The following CDYL2 variants were observed in gnomAD, a reference collection of about 807,000 sequenced individuals.
The protein encoded by CDYL2 is chromodomain Y-like protein 2.
In CDYL2, 23 loss-of-function variants were observed where a neutral mutation model predicts 49.4. The ratio of observed to expected loss-of-function variants is 0.47; its 90% CI spans 0.34 to 0.66. CDYL2 has a LOEUF of 0.66. CDYL2 is among the 30% of genes least tolerant of loss of function. The probability of loss-of-function intolerance (pLI) is 0.01; values close to 1 mark genes in which losing one functional copy is unlikely to be tolerated. For missense variants in CDYL2, 678 were observed against 656.4 expected (o/e 1.03, Z -0.36); for synonymous variants, 360 against 268.8 (o/e 1.34, Z -3.32).
chr16:80,686,244 C>T (rs928067680), intron 1 of CDYL2, among the ~76,000 whole-genome samples: 4 of 152,076 alleles, frequency 2.6e-5, no homozygotes, highest in Non-Finnish European at 4.4e-5. Flanking sequence ...ATGCCAGTCT[C>T]GATGCTAATA....
chr16:80,741,857 T>G (rs1198138252), intron 1 of CDYL2, among the ~76,000 whole-genome samples: 1 of 152,234 alleles, frequency 6.6e-6, no homozygotes, highest in East Asian at 1.9e-4. Flanking sequence ...ACAACATTCC[T>G]GAAGGACAAT....
chr16:80,702,303 T>C (rs550550487), intron 1 of CDYL2, among the ~76,000 whole-genome samples: 1 of 152,184 alleles, frequency 6.6e-6, no homozygotes, highest in Admixed American at 6.5e-5. Context: ...TTCAAAATAA[T>C]ATTTTGCTCA....
chr16:80,763,126 C>T (rs376057771), intron 1 of CDYL2, among the ~76,000 whole-genome samples: 2 of 151,636 alleles, frequency 1.3e-5, no homozygotes, highest in South Asian at 2.1e-4. Context: ...TGAGACTGTG[C>T]CACTGCACTC....
intron 1 of CDYL2, among the ~76,000 whole-genome samples, chr16:80,691,555 T>C (rs1055298878): frequency 1.3e-5 from 2 of 152,210 alleles, no homozygotes; most frequent in African/African-American, 4.8e-5. Context: ...CCATATCCAT[T>C]CTGCTGGAAA....
At chr16:80,624,869 A>G (rs1907234141) in intron 3 of CDYL2, among the ~76,000 whole-genome samples, 1 of 152,228 alleles carries the variant, frequency 6.6e-6, no homozygotes. Flanking sequence ...AAAGTAACTG[A>G]AAGACCTGAA....
chr16:80,769,241 T>C (rs1265713707), intron 1 of CDYL2, among the ~76,000 whole-genome samples: 1 of 152,196 alleles, frequency 6.6e-6, no homozygotes, highest in Non-Finnish European at 1.5e-5. Context: ...TAATCAGCTG[T>C]CATTTATTAC....
intron 1 of CDYL2, among the ~76,000 whole-genome samples, chr16:80,758,313 ATAATAACTACAATAATAAACAAAAG>A (rs1431911325): frequency 2.0e-5 from 3 of 149,140 alleles, no homozygotes; most frequent in South Asian, 2.2e-4. Context: ...TATAGAAGTA[ATAATAACTACAATAATAAACAAAAG>A]TAATAACTAC....
intron 3 of CDYL2, among the ~76,000 whole-genome samples, chr16:80,630,033 G>A (rs1211030180): frequency 1.3e-5 from 2 of 152,188 alleles, no homozygotes; most frequent in Admixed American, 1.3e-4. Flanking sequence ...GTAAGTTGAA[G>A]GGAGGATTGG....
chr16:80,655,227 T>TCTG lies in CDYL2; in HGVS notation c.617-21992_617-21991insCAG, dbSNP rs113631708. 1.2e-4 allele frequency among the ~76,000 whole-genome samples: 18 copies of TCTG among 152,346 alleles called. 3 individuals carry two copies. The highest frequency in any genetic ancestry group is 3.8e-4 in the African/African-American group (16 of 41,578). ...TTACAGATAAGGAAAAGTGAGTACC[T>TCTG]TGCTGGAAGTCACAGAGATTGTAAA... On this transcript the variant is annotated intron_variant, in intron 2 of 6. Coordinates refer to ENST00000570137, the MANE Select transcript of CDYL2 (RefSeq NM_152342.4).
chr16:80,705,204 C>A (rs978548145), intron 1 of CDYL2, among the ~76,000 whole-genome samples: 2 of 152,240 alleles, frequency 1.3e-5, no homozygotes, highest in Non-Finnish European at 2.9e-5. Context: ...TTTCCTCTAG[C>A]AGGATGGCTG....
rs34890622 is a variant in CDYL2 at position 80,601,524 on chromosome 16, A to AG, written c.*2863dup. ...GGGAGAAAGGATCCCATAGACAGAG[A>AG]GGGGGCCCTGGGGTGGAAGATCAAA... On this transcript the variant is annotated 3_prime_UTR_variant, in exon 7 of 7. Transcript: ENST00000570137. 1.3e-5 allele frequency: 2 copies of AG among 152,080 alleles called. No individual in the cohort carries two copies. The highest frequency in any genetic ancestry group is 2.9e-5 in the Non-Finnish European group (2 of 68,042). 9.4% of individuals were successfully genotyped at this position (152,080 alleles called of 1,614,324 possible). A position where few individuals can be genotyped will look rare whatever the true frequency, so the allele number is the denominator to read the frequency against.
In CDYL2 at chr16:80,707,639, G is replaced by A. The variant is rs1243280504; in HGVS notation, c.25-22510C>T. Among the ~76,000 whole-genome samples the A allele has an allele frequency of 2.0e-5, 3 of 152,272 alleles. No homozygotes were observed. The East Asian group carries it at 5.8e-4, about 29-fold the overall frequency. On this transcript the variant is annotated intron_variant, in intron 1 of 6. Coordinates refer to ENST00000570137, the MANE Select transcript of CDYL2 (RefSeq NM_152342.4). ...GGGTTGGCATCACCAAACTCCAGAT[G>A]CTTTGGTGGTGTCTTTCTGAGTGTT...
chr16:80,791,926 T>C (rs1407098699), intron 1 of CDYL2, among the ~76,000 whole-genome samples: 1 of 152,156 alleles, frequency 6.6e-6, no homozygotes, highest in Non-Finnish European at 1.5e-5. Flanking sequence ...TGAGAGGTAC[T>C]AGAAAGACCC....
intron 2 of CDYL2, chr16:80,679,696 G>C (rs1458166742): frequency 2.2e-6 from 1 of 455,902 alleles, no homozygotes; most frequent in Non-Finnish European, 4.4e-6. Flanking sequence ...CCAACTCCAG[G>C]TGCAGAGCAC....
intron 1 of CDYL2, among the ~76,000 whole-genome samples, chr16:80,709,973 C>A (rs559875331): frequency 1.7e-4 from 26 of 151,580 alleles, no homozygotes; most frequent in Admixed American, 1.1e-3. Flanking sequence ...TTTCGCCCAG[C>A]CTGGAGTGCG....
chr16:80,635,617 T>C (rs1320335063), intron 2 of CDYL2, among the ~76,000 whole-genome samples: 1 of 152,078 alleles, frequency 6.6e-6, no homozygotes, highest in African/African-American at 2.4e-5. Flanking sequence ...AGAATCAATA[T>C]CGTAAAAATG....
rs111942323 is a variant in CDYL2 at position 80,772,961 on chromosome 16, T to C, written c.24+31189A>G. Among the ~76,000 whole-genome samples, 811 of 152,250 alleles carry C rather than the reference T, an allele frequency of 5.3e-3. 6 individuals are homozygous for C. The highest frequency in any genetic ancestry group is 0.018 in the African/African-American group (762 of 41,550). On this transcript the variant is annotated intron_variant, in intron 1 of 6. Coordinates refer to ENST00000570137, the MANE Select transcript of CDYL2 (RefSeq NM_152342.4). Reference sequence around the variant, plus strand: ...AATGGTAGTTTTAAGCTCAAATATATGTATAATTATATTAAATATAACTGG... The same window carrying C: ...AATGGTAGTTTTAAGCTCAAATATACGTATAATTATATTAAATATAACTGG...
chr16:80,630,969 A>G (rs1030137694), intron 3 of CDYL2, among the ~76,000 whole-genome samples: 3 of 152,092 alleles, frequency 2.0e-5, no homozygotes, highest in Non-Finnish European at 4.4e-5. Context: ...CCTCCAAAAC[A>G]TACCCTTCTC....
At chr16:80,618,538 G>A (rs55784074) in intron 4 of CDYL2, among the ~76,000 whole-genome samples, 1 of 152,146 alleles carries the variant, frequency 6.6e-6, no homozygotes. Context: ...GGAACCATTC[G>A]GTGGGGGCTC....
Sources: gnomAD v4.1 joint callset for allele counts (sites outside exome capture counted in the v4.1 genomes callset) on GRCh38, gnomAD v4.1.1 for gene constraint, MANE v1.5 for transcripts, NCBI Gene and HGNC (gene_info 2026-07-23, HGNC 2026-07-21) for gene names.